RP1: variants seen among roughly 807,000 people sequenced by gnomAD.
RP1 encodes RP1 axonemal microtubule associated, also known as oxygen-regulated protein 1.
Under a neutral mutation model 14.8 loss-of-function variants are expected in RP1, and 16 were observed. The ratio of observed to expected loss-of-function variants is 1.08; its 90% CI spans 0.73 to 1.65. The LOEUF (loss-of-function observed/expected upper bound fraction) is 1.65. Ranked by LOEUF, RP1 falls within the 40% of genes most tolerant of loss-of-function variation. RP1 has a pLI of 0.00. For missense variants in RP1, 2,631 were observed against 2,535.0 expected (o/e 1.04, Z -0.81); for synonymous variants, 876 against 883.6 (o/e 0.99, Z 0.15).
At chr8:54,842,494 G>A (rs1326872484) in intron 25 of RP1, among the ~76,000 whole-genome samples, 4 of 152,110 alleles carry the variant, frequency 2.6e-5, no homozygotes, top group East Asian at 1.9e-4. Flanking sequence ...CCAGGAGCAC[G>A]GCAGAGCAGC....
chr8:54,759,153 T>C, intron 22 of RP1: 1 of 1,308,708 alleles, frequency 7.6e-7, no homozygotes, highest in Non-Finnish European at 1.0e-6. Flanking sequence ...TGTGTGTGTG[T>C]GTGTGTGTGT....
chr8:54,692,964 G>A (rs1209082127), intron 12 of RP1, among the ~76,000 whole-genome samples: 4 of 152,096 alleles, frequency 2.6e-5, no homozygotes, highest in African/African-American at 4.8e-5. Flanking sequence ...TAACATTTAC[G>A]TCTTTAATCC....
intron 24 of RP1, among the ~76,000 whole-genome samples, chr8:54,805,164 G>T (rs1810818150): frequency 6.6e-6 from 1 of 152,118 alleles, no homozygotes; most frequent in Admixed American, 6.6e-5. Flanking sequence ...AGATCATCCT[G>T]GACAGAGAGT....
At chr8:54,688,529 A>C (rs1397588769) in intron 12 of RP1, among the ~76,000 whole-genome samples, 1 of 151,930 alleles carries the variant, frequency 6.6e-6, no homozygotes, top group Non-Finnish European at 1.5e-5. Context: ...CTTTCTACAT[A>C]TGGCTAGCCA....
At chr8:54,810,076 C>T (rs781372705) in intron 24 of RP1, among the ~76,000 whole-genome samples, 9 of 152,154 alleles carry the variant, frequency 5.9e-5, no homozygotes, top group African/African-American at 1.2e-4. Context: ...ATGATGCACA[C>T]GCCTGACCAT....
upstream of RP1, among the ~76,000 whole-genome samples, chr8:54,612,951 C>A (rs554696544): frequency 4.6e-5 from 7 of 152,308 alleles, no homozygotes; most frequent in East Asian, 1.2e-3. Flanking sequence ...CCTCACTTTT[C>A]TCCATAGCAC....
chr8:54,580,904 A>G (rs1386041558), intron 1 of RP1, among the ~76,000 whole-genome samples: 1 of 152,228 alleles, frequency 6.6e-6, no homozygotes, highest in Non-Finnish European at 1.5e-5. Flanking sequence ...GGCATGAGCA[A>G]CTGCGCCTGG....
At chr8:54,718,552 C>A (rs1808461586) in intron 15 of RP1, among the ~76,000 whole-genome samples, 1 of 152,186 alleles carries the variant, frequency 6.6e-6, no homozygotes, top group Admixed American at 6.6e-5. Context: ...TTAAACATGT[C>A]CATGAATGTT....
rs568077370 is a variant in RP1, at chr8:54,559,755, T to C, written c.-13+435T>C. Among the ~76,000 whole-genome samples the C allele has an allele frequency of 2.0e-3, 298 of 152,186 alleles. 1 individual carries two copies. Among genetic ancestry groups the C allele is most frequent in the Non-Finnish European group, 3.4e-3 (233 of 68,002 alleles). ...GTTTTCCGGAGGAGAGTGGGTCACG[T>C]TCGGGCAGGACTGGCTGGAGGCACA... On this transcript the variant is annotated intron_variant, in intron 1 of 22. Transcript: ENST00000636932.
At chr8:54,794,311 A>G (rs1810532398) in intron 24 of RP1, among the ~76,000 whole-genome samples, 1 of 151,990 alleles carries the variant, frequency 6.6e-6, no homozygotes. Context: ...ATTTCACACT[A>G]TATTCTAAAG....
intron 27 of RP1, among the ~76,000 whole-genome samples, chr8:54,859,745 T>A (rs1812298662): frequency 1.3e-5 from 2 of 152,074 alleles, no homozygotes; most frequent in South Asian, 4.1e-4. Flanking sequence ...GTGGTGCCTT[T>A]TAGATTACTT....
At chr8:54,636,072 A>G (rs569018967) in intron 3 of RP1, among the ~76,000 whole-genome samples, 2 of 152,064 alleles carry the variant, frequency 1.3e-5, no homozygotes, top group Non-Finnish European at 2.9e-5. Flanking sequence ...TGAATAATAA[A>G]CACTTATGTT....
chr8:54,564,896 C>G lies in RP1; in HGVS notation c.-13+5576C>G, dbSNP rs150648274. The stretch of plus-strand genomic sequence containing the variant: ...CATCTGCAGGAATTACAGGTGCACC[C>G]CACTGTGCCCAACTAATTTATTTTT... On this transcript the variant is annotated intron_variant, in intron 1 of 22. Coordinates refer to the RP1 transcript ENST00000636932. 6.6e-4 allele frequency among the ~76,000 whole-genome samples: 100 copies of G among 152,268 alleles called. 1 individual carries two copies. Among genetic ancestry groups the G allele is most frequent in the Non-Finnish European group, 1.2e-3 (81 of 68,018 alleles).
chr8:54,698,299 C>G (rs533739107), intron 12 of RP1, among the ~76,000 whole-genome samples: 1 of 152,342 alleles, frequency 6.6e-6, no homozygotes, highest in East Asian at 1.9e-4. Flanking sequence ...CTCATCATCA[C>G]TGGTCATCAG....
chr8:54,598,020 C>T (rs1395149940), intron 1 of RP1, among the ~76,000 whole-genome samples: 3 of 152,022 alleles, frequency 2.0e-5, no homozygotes, highest in South Asian at 4.1e-4. Flanking sequence ...TTTCCCTCCC[C>T]GCACTATCGT....
intron 6 of RP1, among the ~76,000 whole-genome samples, chr8:54,662,550 A>G (rs1806924740): frequency 1.3e-5 from 2 of 152,190 alleles, no homozygotes; most frequent in Admixed American, 6.5e-5. Context: ...GGATGTAAGA[A>G]AATAGAGAAA....
At chr8:54,565,607 G>T (rs182663527) in intron 1 of RP1, among the ~76,000 whole-genome samples, 1 of 152,184 alleles carries the variant, frequency 6.6e-6, no homozygotes, top group Non-Finnish European at 1.5e-5. Context: ...CCATAGAGGG[G>T]CATGATGAGA....
Position 54,621,335 on chromosome 8 carries a change from C to A in RP1, c.369C>A (p.Arg123=). 3 of 1,611,910 alleles carry A rather than the reference C, an allele frequency of 1.9e-6. No individual in the cohort carries two copies. The highest frequency in any genetic ancestry group is 2.5e-6 in the Non-Finnish European group (3 of 1,178,986). Residue 123 remains arginine, a synonymous_variant, in exon 2 of 4, where the codon CGC becomes CGA. Transcript: ENST00000220676. ...TAGACCTGGACAAAGCCCGTCGGCG[C>A]CCGCGGCCCTGGCTCAGCAGCCGGG... The part of the protein sequence containing the change: ...QPVDLDKARR[R]PRPWLSSRAI...
chr8:54,790,832 C>T (rs981194751), intron 24 of RP1, among the ~76,000 whole-genome samples: 25 of 151,606 alleles, frequency 1.6e-4, no homozygotes, highest in African/African-American at 5.3e-4. Flanking sequence ...TTTTAAAAAG[C>T]GAAGAAAGGT....
Sources: allele counts gnomAD v4.1 joint callset (sites outside exome capture counted in the v4.1 genomes callset), GRCh38; gene constraint gnomAD v4.1.1; transcripts MANE v1.5; gene names NCBI Gene and HGNC (gene_info 2026-07-23, HGNC 2026-07-21).